The following LARGE1 variants were observed in gnomAD, a reference collection of about 807,000 sequenced individuals.
LARGE1 encodes LARGE xylosyl- and glucuronyltransferase 1.
A neutral mutation model predicts 87.6 loss-of-function variants in LARGE1; 43 were observed. The ratio of observed to expected loss-of-function variants is 0.49; its 90% CI spans 0.38 to 0.63. The LOEUF (loss-of-function observed/expected upper bound fraction) is 0.63, where lower values mean the gene tolerates loss of function less well. LARGE1 is among the 30% of genes least tolerant of loss of function. The pLI, the probability that LARGE1 is intolerant of heterozygous loss-of-function variation, is 0.00. For missense variants in LARGE1, 802 were observed against 1,000.2 expected, an observed-to-expected ratio of 0.80 and a Z score of 2.67; for synonymous variants, 434 against 394.6, an observed-to-expected ratio of 1.10 and a Z score of -1.18.
At chr22:33,233,174 G>A (rs890929988) in intron 11 of LARGE1, among the ~76,000 whole-genome samples, 1 of 152,170 alleles carries the variant, frequency 6.6e-6, no homozygotes, top group African/African-American at 2.4e-5. Context: ...ATTTCGAGTA[G>A]ACTCTGGGGA....
chr22:33,664,581 T>A (rs1291939170), intron 2 of LARGE1, among the ~76,000 whole-genome samples: 2 of 152,162 alleles, frequency 1.3e-5, no homozygotes, highest in East Asian at 1.9e-4. Context: ...AAAATGGCTA[T>A]CAGGGCCGGG....
At chr22:33,401,539 G>C (rs2065925744) in intron 7 of LARGE1, among the ~76,000 whole-genome samples, 1 of 152,182 alleles carries the variant, frequency 6.6e-6, no homozygotes, top group South Asian at 2.1e-4. Flanking sequence ...TTTCTGTTTA[G>C]AGAGTGGTAG....
chr22:33,547,411 G>A (rs1362249608), intron 6 of LARGE1, among the ~76,000 whole-genome samples: 1 of 152,222 alleles, frequency 6.6e-6, no homozygotes, highest in Non-Finnish European at 1.5e-5. Context: ...TGAAGGTCAG[G>A]CTGTAATGCT....
intron 10 of LARGE1, among the ~76,000 whole-genome samples, chr22:33,337,090 C>T (rs1463864186): frequency 1.3e-5 from 2 of 149,538 alleles, no homozygotes; most frequent in Non-Finnish European, 3.0e-5. Context: ...TTTCTATGAA[C>T]ATCAAATGAG....
At chr22:33,789,643 C>T (rs1177522434) in intron 1 of LARGE1, among the ~76,000 whole-genome samples, 1 of 152,188 alleles carries the variant, frequency 6.6e-6, no homozygotes, top group Non-Finnish European at 1.5e-5. Context: ...CATGGGAGCC[C>T]ACCTCTTGCA....
chr22:33,342,451 G>A (rs544634955), intron 9 of LARGE1, among the ~76,000 whole-genome samples: 1 of 152,322 alleles, frequency 6.6e-6, no homozygotes, highest in Non-Finnish European at 1.5e-5. Flanking sequence ...TATGGAGATG[G>A]TATGTGACTT....
chr22:33,107,536 C>T, the LARGE1 span, among the ~76,000 whole-genome samples: 12 of 151,346 alleles, frequency 7.9e-5, no homozygotes, highest in African/African-American at 2.9e-4. Flanking sequence ...GCCTGGGTTA[C>T]AGAGCGAGAC....
At chr22:33,742,760 C>T (rs1280751443) in intron 2 of LARGE1, among the ~76,000 whole-genome samples, 1 of 152,168 alleles carries the variant, frequency 6.6e-6, no homozygotes, top group African/African-American at 2.4e-5. Flanking sequence ...AAAAGGCATC[C>T]CTATCTTTCT....
chr22:33,346,726 A>G (rs75452702), intron 9 of LARGE1, among the ~76,000 whole-genome samples: 14,434 of 151,898 alleles, frequency 0.095, 796 homozygotes, highest in South Asian at 0.17. Context: ...CCTCCACCCC[A>G]TTCTTCCTAA....
chr22:33,716,926 A>G (rs1444634173), intron 2 of LARGE1, among the ~76,000 whole-genome samples: 1 of 152,246 alleles, frequency 6.6e-6, no homozygotes, highest in African/African-American at 2.4e-5. Context: ...CCACAAAACC[A>G]GTGTCAACAA....
At chr22:33,201,728 C>T (rs1257476876) in intron 11 of LARGE1, among the ~76,000 whole-genome samples, 1 of 152,150 alleles carries the variant, frequency 6.6e-6, no homozygotes, top group Non-Finnish European at 1.5e-5. Context: ...TGATAAGGGC[C>T]AGATCCTGTT....
chr22:33,886,604 G>C (rs2064851617), intron 1 of LARGE1, among the ~76,000 whole-genome samples: 1 of 143,218 alleles, frequency 7.0e-6, no homozygotes, highest in Admixed American at 7.1e-5. Context: ...TTGAACTCGG[G>C]AGGTTGCAGT....
intron 1 of LARGE1, among the ~76,000 whole-genome samples, chr22:33,877,290 GT>G (rs2064497413): frequency 6.6e-6 from 1 of 152,110 alleles, no homozygotes; most frequent in South Asian, 2.1e-4. Context: ...TGTTAACCCT[GT>G]TGCGAGGTTC....
At chr22:33,381,862 G>A in intron 9 of LARGE1, 57 bp downstream of exon 9, 1 of 1,610,890 alleles carries the variant, frequency 6.2e-7, no homozygotes, top group African/African-American at 1.3e-5. Context: ...ATGCCCCTGG[G>A]AGGTCCTCTC....
intron 11 of LARGE1, among the ~76,000 whole-genome samples, chr22:33,306,301 G>T (rs562114303): frequency 6.6e-6 from 1 of 152,140 alleles, no homozygotes; most frequent in African/African-American, 2.4e-5. Context: ...CTGCAAATGT[G>T]GGGGACTCTG....
At chr22:33,762,559 G>C (rs1330070126) in intron 1 of LARGE1, among the ~76,000 whole-genome samples, 3 of 152,182 alleles carry the variant, frequency 2.0e-5, no homozygotes, top group African/African-American at 4.8e-5. Flanking sequence ...TATCTTCATA[G>C]CTTCCACCCT....
At chr22:33,598,513 T>A (rs1356320231) in intron 5 of LARGE1, among the ~76,000 whole-genome samples, 1 of 152,132 alleles carries the variant, frequency 6.6e-6, no homozygotes, top group African/African-American at 2.4e-5. Flanking sequence ...CCTAATGCTA[T>A]CCCTCCCCCA....
chr22:33,111,009 T>C, the LARGE1 span, among the ~76,000 whole-genome samples: 1 of 152,182 alleles, frequency 6.6e-6, no homozygotes, highest in African/African-American at 2.4e-5. Flanking sequence ...TGATGTGTGT[T>C]GAGCATGCTT....
chr22:33,580,097 G>A (rs113675369), intron 5 of LARGE1, among the ~76,000 whole-genome samples: 4 of 152,150 alleles, frequency 2.6e-5, no homozygotes, highest in African/African-American at 9.6e-5. Context: ...GCGGCCGGGC[G>A]CAGTGGCTCA....
Sources: gnomAD v4.1 joint callset for allele counts (sites outside exome capture counted in the v4.1 genomes callset) on GRCh38, gnomAD v4.1.1 for gene constraint, MANE v1.5 for transcripts, NCBI Gene and HGNC (gene_info 2026-07-23, HGNC 2026-07-21) for gene names.